SEC63: variants seen among roughly 807,000 people sequenced by gnomAD.
SEC63 encodes SEC63 protein translocation regulator.
In SEC63, 56 loss-of-function variants were observed where a neutral mutation model predicts 116.2. The observed-to-expected ratio is 0.48, with a 90% CI of 0.39 to 0.60. The LOEUF is 0.60. Ranked by LOEUF, SEC63 falls within the 20% of genes least tolerant of loss-of-function variation. The pLI is 0.00. For missense variants in SEC63, 668 were observed against 900.0 expected (o/e 0.74, Z 3.30); for synonymous variants, 273 against 294.6 (o/e 0.93, Z 0.75).
intron 1 of SEC63, among the ~76,000 whole-genome samples, chr6:107,931,574 C>T (rs557335171): frequency 2.0e-5 from 3 of 150,360 alleles, no homozygotes; most frequent in South Asian, 2.1e-4. Context: ...ACAGTGAAAC[C>T]CTCTCTCTAC....
At chr6:107,903,189 C>A in intron 11 of SEC63, 191 bp from the exon 12 acceptor site, 1 of 643,524 alleles carries the variant, frequency 1.6e-6, no homozygotes. Flanking sequence ...TGAACATTTT[C>A]CAGCAACAAC....
Position 107,911,367 on chromosome 6 carries a change from C to A in SEC63, c.603G>T (p.Met201Ile), listed in dbSNP as rs1229048817. ...LVLLVYGLAF[M>I]VILPVVVGSW... ...TTACCACAACAACTGGAAGGATAAC[C>A]ATAAATGCCAATCCATATACAAGTA... Residue 201 changes from methionine (M) to isoleucine (I), a missense_variant, in exon 7 of 21, where the codon ATG becomes ATT. Met to Ile is a conservative substitution (Grantham distance 10). This residue lies in a region of SEC63 where 430 missense variants were observed against 557.5 expected (regional missense o/e 0.77). Coordinates refer to ENST00000369002, the MANE Select transcript of SEC63 (RefSeq NM_007214.5). 18 of 1,608,054 alleles carry A rather than the reference C, an allele frequency of 1.1e-5. No individual in the cohort carries two copies. Among genetic ancestry groups the A allele is most frequent in the Non-Finnish European group, 1.5e-5 (18 of 1,174,962 alleles).
Position 107,953,157 on chromosome 6 carries a change from G to A in SEC63, c.124+4729C>T, listed in dbSNP as rs571410484. Reference sequence around the variant, plus strand: ...CGCCAGTTTTCCTAGCTACTCAGGAGGCTGAGGCACGAGAATCGTTTGAAC... The same window carrying A: ...CGCCAGTTTTCCTAGCTACTCAGGAAGCTGAGGCACGAGAATCGTTTGAAC... On this transcript the variant is annotated intron_variant, in intron 1 of 20. Transcript: ENST00000369002. Among the ~76,000 whole-genome samples the A allele has an allele frequency of 1.6e-3, 244 of 152,324 alleles. 1 individual carries two copies. The highest frequency in any genetic ancestry group is 5.2e-3 in the African/African-American group (218 of 41,578).
chr6:107,872,289 G>C (rs746976908), intron 20 of SEC63, among the ~76,000 whole-genome samples: 1 of 152,000 alleles, frequency 6.6e-6, no homozygotes, highest in Admixed American at 6.6e-5. Flanking sequence ...AAAGAGGTTC[G>C]CATTTACTGG....
At chr6:107,887,864 G>A (rs1334354639) in intron 16 of SEC63, among the ~76,000 whole-genome samples, 2 of 152,128 alleles carry the variant, frequency 1.3e-5, no homozygotes, top group Admixed American at 1.3e-4. Flanking sequence ...TTTCCCCATT[G>A]CTTGTTTTTA....
At chr6:107,910,525 T>C (rs1185303999) in intron 7 of SEC63, among the ~76,000 whole-genome samples, 2 of 144,908 alleles carry the variant, frequency 1.4e-5, no homozygotes, top group East Asian at 1.9e-4. Flanking sequence ...TATATATACA[T>C]ATATGCATGT....
intron 1 of SEC63, among the ~76,000 whole-genome samples, chr6:107,934,635 C>T: frequency 1.4e-5 from 2 of 144,282 alleles, no homozygotes; most frequent in Non-Finnish European, 3.1e-5. Flanking sequence ...GGGTCAGCCC[C>T]CCGCCAGGCC....
At chr6:107,920,425 C>CAG (rs1787528160) in intron 4 of SEC63, among the ~76,000 whole-genome samples, 1 of 73,392 alleles carries the variant, frequency 1.4e-5, no homozygotes, top group Non-Finnish European at 2.4e-5. Flanking sequence ...GACTCCGTCT[C>CAG]AAAAAAAAAA....
intron 16 of SEC63, among the ~76,000 whole-genome samples, chr6:107,884,811 C>T (rs1017138261): frequency 1.3e-5 from 2 of 151,688 alleles, no homozygotes; most frequent in African/African-American, 2.4e-5. Context: ...CTGTAAAATC[C>T]AGATAAATAT....
chr6:107,921,915 GAAAAACAA>G lies in SEC63; in HGVS notation c.340-14_340-7del, dbSNP rs775306335. ...ATTTCTGCTACTGTGGCTCCCTGGG[GAAAAACAA>G]AAAAAAAAAACAAGCTTTCTGTTAG... On this transcript the variant is annotated splice_region_variant and splice_polypyrimidine_tract_variant and intron_variant, in intron 3 of 20. Coordinates refer to ENST00000369002, the MANE Select transcript of SEC63 (RefSeq NM_007214.5). 149 of 1,103,842 alleles carry G rather than the reference GAAAAACAA, an allele frequency of 1.3e-4. 3 individuals are homozygous for G. The highest frequency in any genetic ancestry group is 2.2e-4 in the Admixed American group (8 of 36,514). 68.4% of individuals were successfully genotyped at this position (1,103,842 alleles called of 1,614,324 possible). A position where few individuals can be genotyped will look rare whatever the true frequency, so the allele number is the denominator to read the frequency against.
chr6:107,875,541 AC>A (rs1786243054), intron 19 of SEC63, among the ~76,000 whole-genome samples: 1 of 152,114 alleles, frequency 6.6e-6, no homozygotes, highest in African/African-American at 2.4e-5. Flanking sequence ...TACAAAAAAT[AC>A]AAAAATTAGC....
intron 1 of SEC63, among the ~76,000 whole-genome samples, chr6:107,949,588 T>G (rs767896337): frequency 6.6e-6 from 1 of 152,170 alleles, no homozygotes; most frequent in Admixed American, 6.5e-5. Context: ...AACAAAAGGA[T>G]ATATGCCTAT....
intron 17 of SEC63, among the ~76,000 whole-genome samples, chr6:107,882,717 C>G (rs1369536363): frequency 2.0e-5 from 3 of 152,102 alleles, no homozygotes; most frequent in Non-Finnish European, 4.4e-5. Flanking sequence ...GACCAACTGA[C>G]CTAACCTCAA....
At chr6:107,900,875 A>T (rs1036932634) in intron 13 of SEC63, among the ~76,000 whole-genome samples, 1 of 152,214 alleles carries the variant, frequency 6.6e-6, no homozygotes, top group African/African-American at 2.4e-5. Flanking sequence ...GTAGAAAAAT[A>T]GCCTTTATTT....
In SEC63 at chr6:107,883,101, T is replaced by G; in HGVS notation, c.1720A>C (p.Ser574Arg). The G allele has an allele frequency of 1.2e-6, 2 of 1,611,236 alleles. No homozygotes were observed. The highest frequency in any genetic ancestry group is 1.7e-6 in the Non-Finnish European group (2 of 1,177,954). ...EDEEEVSDKG[S>R]DSEEEETNRD... ...TTGGTTTCTTCTTCTTCAGAATCAC[T>G]GCCCTTATCTGAAACTTCTTCTTCA... Residue 574 changes from serine (S) to arginine (R), a missense_variant, in exon 17 of 21, where the codon AGT becomes CGT. Coordinates refer to ENST00000369002, the MANE Select transcript of SEC63 (RefSeq NM_007214.5).
At chr6:107,918,102 C>A (rs925452650) in intron 4 of SEC63, among the ~76,000 whole-genome samples, 12 of 152,080 alleles carry the variant, frequency 7.9e-5, no homozygotes, top group African/African-American at 2.7e-4. Flanking sequence ...TGCTGGTGTG[C>A]CATTCCAAAA....
Position 107,890,676 on chromosome 6 carries a change from CA to C in SEC63, c.1674+2805del, listed in dbSNP as rs551146749. Among the ~76,000 whole-genome samples, 176 of 152,266 alleles carry C rather than the reference CA, an allele frequency of 1.2e-3. 2 individuals are homozygous for C. The highest frequency in any genetic ancestry group is 4.1e-3 in the African/African-American group (170 of 41,556). The stretch of plus-strand genomic sequence containing the variant: ...TTCTTCACAGCATTGACAGTCTTTA[CA>C]ATTTGGTATGTTTTTGCAGTGGCTG... On this transcript the variant is annotated intron_variant, in intron 16 of 20. Transcript: ENST00000369002.
chr6:107,873,632 T>TA (rs11153086), intron 19 of SEC63, among the ~76,000 whole-genome samples: 117,167 of 151,196 alleles, frequency 0.77, 46,480 homozygotes, highest in South Asian at 0.9. Context: ...TAGAAACTAT[T>TA]AAAAAAAAAT....
At chr6:107,921,687 A>G in intron 4 of SEC63, 110 bp downstream of exon 4, 1 of 768,742 alleles carries the variant, frequency 1.3e-6, no homozygotes, top group South Asian at 1.4e-5. Flanking sequence ...CCTGGGCTCA[A>G]GCGATCCTCC....
Sources: allele counts gnomAD v4.1 joint callset (sites outside exome capture counted in the v4.1 genomes callset), GRCh38; gene constraint gnomAD v4.1.1; regional missense constraint gnomAD v4.1.1; transcripts MANE v1.5; gene names NCBI Gene and HGNC (gene_info 2026-07-23, HGNC 2026-07-21).